Variants in CMSS1 observed in about 807,000 individuals in gnomAD.
CMSS1 encodes the protein protein CMSS1.
A neutral mutation model predicts 43.5 loss-of-function variants in CMSS1; 33 were observed. That is an observed-to-expected ratio of 0.76 (90% CI 0.57 to 1.01). The LOEUF is 1.01. Ranked by LOEUF, CMSS1 falls within the 50% of genes least tolerant of loss-of-function variation. The pLI is 0.00. For missense variants in CMSS1, 313 were observed against 326.4 expected, an observed-to-expected ratio of 0.96 and a Z score of 0.32; for synonymous variants, 115 against 117.2, an observed-to-expected ratio of 0.98 and a Z score of 0.12.
chr3:99,932,106 A>G (rs1707500273), intron 1 of CMSS1, among the ~76,000 whole-genome samples: 1 of 152,200 alleles, frequency 6.6e-6, no homozygotes, highest in Admixed American at 6.5e-5. Context: ...AATTTACTGT[A>G]TATTAGAAAA....
intron 1 of CMSS1, among the ~76,000 whole-genome samples, chr3:99,832,788 C>T (rs1942729534): frequency 7.0e-6 from 1 of 142,466 alleles, no homozygotes; most frequent in African/African-American, 2.6e-5. Context: ...TGCAGTGAGC[C>T]GAGATCATAG....
At chr3:100,115,909 G>A (rs1211272245) in intron 1 of CMSS1, among the ~76,000 whole-genome samples, 2 of 152,028 alleles carry the variant, frequency 1.3e-5, no homozygotes, top group Admixed American at 6.6e-5. Context: ...TTGTCTCTAC[G>A]TTCCTTCAAT....
rs1318203326 is a variant in CMSS1, at chr3:100,167,778, G to A, written c.456G>A (p.Glu152=). ...KWVKLRKNHS[E]KKSVLMLIIC... is the part of the protein sequence containing the mutation. ...TAAAACTTAGGAAGAACCACAGTGAGAAGAAATCGGTCCTGATGCTGATCA... is the reference window on the plus strand; with the variant it reads ...TAAAACTTAGGAAGAACCACAGTGAAAAGAAATCGGTCCTGATGCTGATCA... The change falls in exon 6 of 10, where the codon GAG becomes GAA. Residue 152 remains glutamate (E), a synonymous_variant. Coordinates refer to ENST00000421999, the MANE Select transcript of CMSS1 (RefSeq NM_032359.4). 6.2e-6 allele frequency: 10 copies of A among 1,613,536 alleles called. No individual in the cohort carries two copies. The highest frequency in any genetic ancestry group is 8.5e-6 in the Non-Finnish European group (10 of 1,179,818).
chr3:100,143,707 T>C (rs10222474), intron 1 of CMSS1, among the ~76,000 whole-genome samples: 61,068 of 152,030 alleles, frequency 0.4, 12,362 homozygotes, highest in South Asian at 0.47. Flanking sequence ...GTTTTTACTT[T>C]GCATGCTTTG....
At position 100,162,305 on chromosome 3, in the gene CMSS1, G is replaced by T; in HGVS notation, c.228G>T (p.Lys76Asn). The change falls in exon 4 of 10, where the codon AAG becomes AAT. Residue 76 changes from lysine (K) to asparagine (N), a missense_variant and splice_region_variant. By Grantham distance (94) the Lys-to-Asn change is moderately conservative (BLOSUM62 0). Transcript: ENST00000421999. ...NTTKTRKRRK[K>N]KITDVLAKSE... ...TTTTCTTCTTTCTCATATCTTAGAA[G>T]AAAATTACTGATGTTCTTGCAAAAT... 6.2e-7 allele frequency: 1 copy of T among 1,606,488 alleles called. No individual in the cohort carries two copies. The highest frequency in any genetic ancestry group is 8.5e-7 in the Non-Finnish European group (1 of 1,177,326).
chr3:99,983,302 G>C (rs575248958), intron 1 of CMSS1, among the ~76,000 whole-genome samples: 1 of 149,764 alleles, frequency 6.7e-6, no homozygotes, highest in Non-Finnish European at 1.5e-5. Context: ...GGGAGGCCAA[G>C]GCAGGCGGAT....
chr3:100,134,872 T>C (rs750375048), intron 1 of CMSS1, among the ~76,000 whole-genome samples: 60 of 152,352 alleles, frequency 3.9e-4, no homozygotes, highest in Non-Finnish European at 6.8e-4. Flanking sequence ...CTGCTTGTTT[T>C]GCCTTCCAAA....
At chr3:99,945,267 A>G (rs1232585727) in intron 1 of CMSS1, among the ~76,000 whole-genome samples, 1 of 152,230 alleles carries the variant, frequency 6.6e-6, no homozygotes, top group Non-Finnish European at 1.5e-5. Flanking sequence ...ACTCATCGCT[A>G]CGAAGGAGTG....
At chr3:99,948,466 T>A (rs903739491) in intron 1 of CMSS1, among the ~76,000 whole-genome samples, 1 of 147,540 alleles carries the variant, frequency 6.8e-6, no homozygotes, top group Non-Finnish European at 1.5e-5. Context: ...ATCACCTAAG[T>A]CCAAGAATTG....
rs367705811 is a variant in CMSS1 at position 100,162,475 on chromosome 3, A to C, written c.355+43A>C. The C allele has an allele frequency of 1.9e-6, 3 of 1,590,778 alleles. No individual in the cohort carries two copies. In the Admixed American group the frequency reaches 5.2e-5, roughly 28 times the overall value. ...TTTTCCTAAAGACAAGGAGCAAAAC[A>C]TAAGTATCTGTTATGGTTAGGTGTC... On this transcript the variant is annotated intron_variant, in intron 4 of 9. Coordinates refer to ENST00000421999, the MANE Select transcript of CMSS1 (RefSeq NM_032359.4).
chr3:99,917,366 A>G (rs1706985990), intron 1 of CMSS1, among the ~76,000 whole-genome samples: 1 of 151,846 alleles, frequency 6.6e-6, no homozygotes, highest in African/African-American at 2.4e-5. Flanking sequence ...TTTATCTTGG[A>G]CCTCCCGTAA....
In CMSS1 at chr3:99,817,917, C is replaced by T; in HGVS notation, c.-63C>T. ...CGCCGGCCGCCTGGCTTTGAGACAA[C>T]GTGATTCTCCGCAGCTGGTCGCCTA... On this transcript the variant is annotated 5_prime_UTR_variant, in exon 1 of 10. It adds an upstream start codon to the 5' untranslated region. Transcript: ENST00000421999. 6.4e-7 allele frequency: 1 copy of T among 1,557,778 alleles called. No homozygotes were observed. Among genetic ancestry groups the T allele is most frequent in the Non-Finnish European group, 8.8e-7 (1 of 1,131,058 alleles).
At chr3:100,006,016 T>C (rs1218676180) in intron 1 of CMSS1, among the ~76,000 whole-genome samples, 1 of 152,120 alleles carries the variant, frequency 6.6e-6, no homozygotes, top group Non-Finnish European at 1.5e-5. Flanking sequence ...AAAGGTAGTT[T>C]GATAGGAAGT....
At chr3:100,054,033 G>A (rs2065419768) in intron 1 of CMSS1, among the ~76,000 whole-genome samples, 1 of 152,180 alleles carries the variant, frequency 6.6e-6, no homozygotes, top group Non-Finnish European at 1.5e-5. Context: ...TTCTCCCCAA[G>A]GCTTTGAAGA....
chr3:99,930,830 G>C (rs1290459827), intron 1 of CMSS1: 2 of 1,612,448 alleles, frequency 1.2e-6, no homozygotes, highest in African/African-American at 1.3e-5. Flanking sequence ...GAGGTCTTCT[G>C]CTTGGTGGCC....
At chr3:100,043,429 A>G (rs564671962) in intron 1 of CMSS1, among the ~76,000 whole-genome samples, 1 of 152,258 alleles carries the variant, frequency 6.6e-6, no homozygotes, top group South Asian at 2.1e-4. Context: ...GCAGTCTCTA[A>G]GGTCTCTTTT....
At chr3:100,070,216 C>T (rs1269429983) in intron 1 of CMSS1, among the ~76,000 whole-genome samples, 1 of 152,084 alleles carries the variant, frequency 6.6e-6, no homozygotes, top group Admixed American at 6.6e-5. Flanking sequence ...GAATATCATC[C>T]TTAGATAGTT....
chr3:99,930,540 C>T (rs188370624), intron 1 of CMSS1, among the ~76,000 whole-genome samples: 4 of 152,288 alleles, frequency 2.6e-5, no homozygotes, highest in Non-Finnish European at 4.4e-5. Flanking sequence ...GAGGATGTGA[C>T]CTTTCACGAC....
chr3:99,858,362 G>A (rs1944076462), intron 1 of CMSS1, among the ~76,000 whole-genome samples: 1 of 152,070 alleles, frequency 6.6e-6, no homozygotes, highest in South Asian at 2.1e-4. Context: ...CTACTTGGGA[G>A]GCTGAGGCAG....
Sources: gnomAD v4.1 joint callset for allele counts (sites outside exome capture counted in the v4.1 genomes callset) on GRCh38, gnomAD v4.1.1 for gene constraint, MANE v1.5 for transcripts, NCBI Gene and HGNC (gene_info 2026-07-23, HGNC 2026-07-21) for gene names.